Variants in FHIT observed in about 807,000 individuals in gnomAD.
FHIT encodes fragile histidine triad diadenosine triphosphatase.
Under a neutral mutation model 17.9 loss-of-function variants are expected in FHIT, and 19 were observed. That is an observed-to-expected ratio of 1.06 (90% CI 0.74 to 1.56). FHIT has a LOEUF of 1.56. FHIT is among the 40% of genes most tolerant of loss of function. The pLI is 0.00. For missense variants in FHIT, 248 were observed against 189.2 expected, an observed-to-expected ratio of 1.31 and a Z score of -1.82; for synonymous variants, 81 against 69.7, an observed-to-expected ratio of 1.16 and a Z score of -0.81.
chr3:59,781,776 T>C (rs1702596600), intron 8 of FHIT, among the ~76,000 whole-genome samples: 1 of 152,220 alleles, frequency 6.6e-6, no homozygotes, highest in African/African-American at 2.4e-5. Context: ...CAGATGAAGA[T>C]TAGCTTAGTG....
chr3:60,094,597 C>G (rs545200714), intron 5 of FHIT, among the ~76,000 whole-genome samples: 1 of 152,300 alleles, frequency 6.6e-6, no homozygotes. Context: ...GCTCTGACAG[C>G]ATCTCCTGTC....
intron 5 of FHIT, among the ~76,000 whole-genome samples, chr3:60,187,779 C>T (rs899274254): frequency 1.3e-5 from 2 of 152,150 alleles, no homozygotes; most frequent in Non-Finnish European, 2.9e-5. Context: ...AATTGTGCTC[C>T]TAATTTAATT....
Position 60,531,574 on chromosome 3 carries a change from G to C in FHIT, c.103+5286C>G, listed in dbSNP as rs564216901. The stretch of plus-strand genomic sequence containing the variant: ...ATTACAGGCGTGAGCCACCGCGCCC[G>C]GCCGAAAAGAAACTCTTTAGAGAAA... On this transcript the variant is annotated intron_variant, in intron 5 of 9. Coordinates refer to ENST00000492590, the MANE Select transcript of FHIT (RefSeq NM_002012.4). Among the ~76,000 whole-genome samples, 48 of 152,210 alleles carry C rather than the reference G, an allele frequency of 3.2e-4. No homozygotes were observed. The South Asian group carries it at 9.9e-3, about 32-fold the overall frequency.
At chr3:60,414,332 GACTAGA>G (rs1156535953) in intron 5 of FHIT, among the ~76,000 whole-genome samples, 1 of 152,140 alleles carries the variant, frequency 6.6e-6, no homozygotes, top group Non-Finnish European at 1.5e-5. Context: ...AGAATTACCG[GACTAGA>G]GCATAGTGCA....
At chr3:61,217,586 A>C (rs952387577) in intron 1 of FHIT, among the ~76,000 whole-genome samples, 3 of 152,186 alleles carry the variant, frequency 2.0e-5, no homozygotes, top group African/African-American at 7.2e-5. Context: ...GGTCAGTCAC[A>C]AACCCCCACC....
chr3:60,010,660 G>A (rs1281455378), intron 7 of FHIT, among the ~76,000 whole-genome samples: 1 of 152,144 alleles, frequency 6.6e-6, no homozygotes, highest in African/African-American at 2.4e-5. Flanking sequence ...TACCCGTATA[G>A]GAATTAGCAT....
At chr3:60,345,636 A>T (rs1432736434) in intron 5 of FHIT, among the ~76,000 whole-genome samples, 1 of 152,214 alleles carries the variant, frequency 6.6e-6, no homozygotes, top group African/African-American at 2.4e-5. Context: ...TCATGAAAGT[A>T]GACTATCGTC....
chr3:61,074,022 T>A (rs540181333), intron 2 of FHIT, among the ~76,000 whole-genome samples: 1 of 152,220 alleles, frequency 6.6e-6, no homozygotes, highest in East Asian at 1.9e-4. Flanking sequence ...CATGGGTTAT[T>A]AGACACGAGA....
At chr3:60,706,579 A>G (rs9839019) in intron 4 of FHIT, among the ~76,000 whole-genome samples, 16,904 of 152,146 alleles carry the variant, frequency 0.11, 2,049 homozygotes, top group African/African-American at 0.3. Flanking sequence ...TTAAAACAGC[A>G]TTTTGTCACC....
At chr3:60,890,435 C>T (rs1296269064) in intron 3 of FHIT, among the ~76,000 whole-genome samples, 1 of 152,130 alleles carries the variant, frequency 6.6e-6, no homozygotes. Flanking sequence ...CAAGCCACGC[C>T]CCAATTCCTG....
chr3:60,833,589 A>G (rs1237670985), intron 3 of FHIT, among the ~76,000 whole-genome samples: 1 of 152,092 alleles, frequency 6.6e-6, no homozygotes, highest in Non-Finnish European at 1.5e-5. Context: ...TTTTATTTGA[A>G]ATAATTGTAG....
intron 7 of FHIT, among the ~76,000 whole-genome samples, chr3:59,999,457 A>G (rs1699644422): frequency 6.6e-6 from 1 of 152,148 alleles, no homozygotes; most frequent in Admixed American, 6.6e-5. Context: ...TGTGATGAGT[A>G]TTGCAGATAT....
At chr3:60,568,342 C>T (rs991411610) in intron 4 of FHIT, among the ~76,000 whole-genome samples, 5 of 152,034 alleles carry the variant, frequency 3.3e-5, no homozygotes, top group Non-Finnish European at 7.4e-5. Flanking sequence ...TCATTCTCAG[C>T]AAACTATCAC....
chr3:60,821,227 C>A (rs536978408), intron 4 of FHIT, among the ~76,000 whole-genome samples: 35 of 152,224 alleles, frequency 2.3e-4, no homozygotes, highest in African/African-American at 8.2e-4. Context: ...CCACCTACCT[C>A]GGCCTCCCAA....
intron 2 of FHIT, among the ~76,000 whole-genome samples, chr3:61,046,230 G>A (rs952262473): frequency 1.3e-5 from 2 of 152,016 alleles, no homozygotes; most frequent in African/African-American, 4.8e-5. Context: ...CAACAAAATT[G>A]ATAGACTGCT....
At chr3:60,225,099 A>T (rs1314347591) in intron 5 of FHIT, among the ~76,000 whole-genome samples, 2 of 152,152 alleles carry the variant, frequency 1.3e-5, no homozygotes, top group Non-Finnish European at 2.9e-5. Flanking sequence ...GAATTTCGTC[A>T]TTACTAAGTC....
intron 4 of FHIT, among the ~76,000 whole-genome samples, chr3:60,805,503 C>T (rs1486323642): frequency 6.6e-6 from 1 of 151,734 alleles, no homozygotes; most frequent in Non-Finnish European, 1.5e-5. Context: ...GGATTAGGTC[C>T]CACCCTTATG....
intron 3 of FHIT, among the ~76,000 whole-genome samples, chr3:60,927,516 C>A (rs1374401595): frequency 1.3e-5 from 2 of 151,882 alleles, no homozygotes; most frequent in Non-Finnish European, 2.9e-5. Flanking sequence ...TCTTCCTGGC[C>A]TTCACCCCGT....
chr3:60,461,512 G>C (rs933346183), intron 5 of FHIT, among the ~76,000 whole-genome samples: 1 of 152,156 alleles, frequency 6.6e-6, no homozygotes, highest in African/African-American at 2.4e-5. Flanking sequence ...AAAGGTGGCA[G>C]CTATAGAGTA....
Sources: allele counts gnomAD v4.1 joint callset (sites outside exome capture counted in the v4.1 genomes callset), GRCh38; gene constraint gnomAD v4.1.1; transcripts MANE v1.5; gene names NCBI Gene and HGNC (gene_info 2026-07-23, HGNC 2026-07-21).